The following SCHIP1 variants were observed in gnomAD, a reference collection of about 807,000 sequenced individuals.
SCHIP1 encodes schwannomin interacting protein 1.
SCHIP1 carries 8 observed loss-of-function variants against 29.7 expected under a neutral mutation model. That is an observed-to-expected ratio of 0.27 (90% CI 0.16 to 0.49). The LOEUF is 0.49. Among genes scored for constraint, SCHIP1 ranks in the 20% least tolerant of loss-of-function variants. SCHIP1 has a pLI of 0.99. For synonymous variants in SCHIP1, 76 were observed against 94.9 expected (o/e 0.80, Z 1.16); for missense variants, 193 against 294.6 (o/e 0.66, Z 2.52).
At chr3:159,674,263 A>G in the SCHIP1 span, among the ~76,000 whole-genome samples, 1 of 152,200 alleles carries the variant, frequency 6.6e-6, no homozygotes, top group Non-Finnish European at 1.5e-5. Flanking sequence ...AGCACAAGTC[A>G]TAATCATTGA....
the SCHIP1 span, among the ~76,000 whole-genome samples, chr3:159,407,333 G>C: frequency 6.6e-6 from 1 of 152,064 alleles, no homozygotes; most frequent in Non-Finnish European, 1.5e-5. Flanking sequence ...TCAGCAAGAG[G>C]ATATATCAAT....
chr3:159,672,385 G>A, the SCHIP1 span, among the ~76,000 whole-genome samples: 2 of 152,208 alleles, frequency 1.3e-5, no homozygotes, highest in Admixed American at 6.5e-5. Context: ...CTGCTGCCAT[G>A]CAAGGCAGTC....
intron 2 of SCHIP1, among the ~76,000 whole-genome samples, chr3:159,866,520 A>AT (rs1339719855): frequency 2.0e-5 from 3 of 151,086 alleles, no homozygotes; most frequent in African/African-American, 2.4e-5. Context: ...TTTATATTCC[A>AT]TTTTTTTTCT....
At chr3:159,660,467 G>T in the SCHIP1 span, among the ~76,000 whole-genome samples, 1 of 151,972 alleles carries the variant, frequency 6.6e-6, no homozygotes, top group East Asian at 1.9e-4. Context: ...CTATCAGATG[G>T]ACATAATGTA....
the SCHIP1 span, among the ~76,000 whole-genome samples, chr3:159,590,553 G>GC: frequency 6.6e-6 from 1 of 151,206 alleles, no homozygotes; most frequent in Non-Finnish European, 1.5e-5. Flanking sequence ...TCCAGCCTGG[G>GC]CAACAAAGCG....
chr3:159,527,201 A>G, the SCHIP1 span, among the ~76,000 whole-genome samples: 3 of 152,108 alleles, frequency 2.0e-5, no homozygotes, highest in South Asian at 4.1e-4. Flanking sequence ...CAAATGATCA[A>G]CCTCATAACA....
the SCHIP1 span, among the ~76,000 whole-genome samples, chr3:159,343,933 A>G: frequency 6.6e-6 from 1 of 152,238 alleles, no homozygotes; most frequent in African/African-American, 2.4e-5. Context: ...TAATTTTTAA[A>G]TTAAAAAATG....
the SCHIP1 span, among the ~76,000 whole-genome samples, chr3:159,543,119 A>G: frequency 6.6e-3 from 94 of 14,336 alleles, no homozygotes; most frequent in South Asian, 0.011. Context: ...ACATGTGTGT[A>G]TATATATATA....
chr3:159,556,190 G>T, the SCHIP1 span, among the ~76,000 whole-genome samples: 1 of 152,164 alleles, frequency 6.6e-6, no homozygotes, highest in Non-Finnish European at 1.5e-5. Flanking sequence ...CTGGCCATCA[G>T]AGAAATGCAA....
chr3:159,576,216 A>G, the SCHIP1 span, among the ~76,000 whole-genome samples: 1 of 152,222 alleles, frequency 6.6e-6, no homozygotes, highest in Non-Finnish European at 1.5e-5. Flanking sequence ...ATCACTTCAT[A>G]TCCCATAAAC....
chr3:159,542,514 G>A, the SCHIP1 span, among the ~76,000 whole-genome samples: 1 of 152,060 alleles, frequency 6.6e-6, no homozygotes, highest in Non-Finnish European at 1.5e-5. Context: ...TAATCACTCA[G>A]AGATTCACCC....
the SCHIP1 span, among the ~76,000 whole-genome samples, chr3:159,601,624 G>A: frequency 5.3e-5 from 8 of 152,244 alleles, no homozygotes; most frequent in Non-Finnish European, 8.8e-5. Flanking sequence ...CAAAGCTGGA[G>A]CACCAGAGTT....
chr3:159,652,152 T>A, the SCHIP1 span, among the ~76,000 whole-genome samples: 1 of 152,166 alleles, frequency 6.6e-6, no homozygotes, highest in African/African-American at 2.4e-5. Context: ...TTGGCTCATG[T>A]TTATGGTCTA....
chr3:159,588,445 G>A, the SCHIP1 span, among the ~76,000 whole-genome samples: 2 of 152,048 alleles, frequency 1.3e-5, no homozygotes, highest in East Asian at 1.9e-4. Flanking sequence ...AGTTTCTTTT[G>A]CTGTGCAGAA....
the SCHIP1 span, among the ~76,000 whole-genome samples, chr3:159,743,208 G>A: frequency 3.3e-5 from 5 of 152,050 alleles, no homozygotes; most frequent in Non-Finnish European, 5.9e-5. Context: ...ATTTTAGTTG[G>A]TTTTTCTGAG....
the SCHIP1 span, among the ~76,000 whole-genome samples, chr3:159,808,913 C>T: frequency 5.4e-3 from 819 of 151,330 alleles, 7 homozygotes; most frequent in African/African-American, 0.018. Context: ...GCTGAGATGG[C>T]GCCATTGCAT....
At chr3:159,355,209 C>T in the SCHIP1 span, among the ~76,000 whole-genome samples, 1 of 152,086 alleles carries the variant, frequency 6.6e-6, no homozygotes, top group Admixed American at 6.6e-5. Flanking sequence ...TGCACACACA[C>T]ATACAAACCT....
chr3:159,592,218 A>T, the SCHIP1 span, among the ~76,000 whole-genome samples: 1 of 151,970 alleles, frequency 6.6e-6, no homozygotes, highest in African/African-American at 2.4e-5. Context: ...TTCTTTTTTG[A>T]CTTGAACAGA....
chr3:159,872,964 A>G (rs939065401), intron 2 of SCHIP1, among the ~76,000 whole-genome samples: 1 of 152,228 alleles, frequency 6.6e-6, no homozygotes, highest in Non-Finnish European at 1.5e-5. Context: ...GTTCACCAGT[A>G]TGGTACTCCA....
Sources: allele counts gnomAD v4.1 joint callset (sites outside exome capture counted in the v4.1 genomes callset), GRCh38; gene constraint gnomAD v4.1.1; transcripts MANE v1.5; gene names NCBI Gene and HGNC (gene_info 2026-07-23, HGNC 2026-07-21).